Variants in CDC14B observed in about 807,000 individuals in gnomAD.
The protein encoded by CDC14B is dual specificity protein phosphatase CDC14B.
CDC14B carries 22 observed loss-of-function variants against 64.2 expected under a neutral mutation model. The observed-to-expected ratio is 0.34, with a 90% CI of 0.24 to 0.49. The LOEUF (loss-of-function observed/expected upper bound fraction) is 0.49. Among genes scored for constraint, CDC14B ranks in the 20% least tolerant of loss-of-function variants. The pLI, the probability that CDC14B is intolerant of heterozygous loss-of-function variation, is 0.99. For missense variants in CDC14B, 498 were observed against 629.9 expected (o/e 0.79, Z 2.24); for synonymous variants, 191 against 215.8 (o/e 0.89, Z 1.01).
intron 12 of CDC14B, among the ~76,000 whole-genome samples, chr9:96,511,519 C>G (rs1455486264): frequency 6.6e-6 from 1 of 152,164 alleles, no homozygotes; most frequent in African/African-American, 2.4e-5. Context: ...TGTAGTGAGC[C>G]GAGATCGTGC....
intron 1 of CDC14B, among the ~76,000 whole-genome samples, chr9:96,603,402 T>G (rs942187024): frequency 2.6e-5 from 4 of 151,806 alleles, no homozygotes; most frequent in Non-Finnish European, 5.9e-5. Context: ...GGTGAAGAGG[T>G]ATAATGCTGT....
intron 9 of CDC14B, among the ~76,000 whole-genome samples, chr9:96,530,864 T>A (rs1267793690): frequency 6.6e-6 from 1 of 152,224 alleles, no homozygotes; most frequent in Non-Finnish European, 1.5e-5. Flanking sequence ...ACTGTGTTTT[T>A]ATCACAAAAG....
intron 1 of CDC14B, among the ~76,000 whole-genome samples, chr9:96,592,481 A>G (rs562421017): frequency 4.3e-4 from 66 of 152,326 alleles, no homozygotes; most frequent in African/African-American, 1.5e-3. Context: ...TTATTCTTCA[A>G]AAACAGGTTG....
chr9:96,547,331 T>C (rs2131975966), intron 5 of CDC14B, among the ~76,000 whole-genome samples: 1 of 151,658 alleles, frequency 6.6e-6, no homozygotes, highest in South Asian at 2.1e-4. Context: ...CCAGGTGTGG[T>C]GGCGGGCACC....
At chr9:96,568,202 G>A (rs1028844302) in intron 1 of CDC14B, among the ~76,000 whole-genome samples, 2 of 152,070 alleles carry the variant, frequency 1.3e-5, no homozygotes, top group Non-Finnish European at 2.9e-5. Context: ...TACAATTCCA[G>A]ATGGATCAAA....
Position 96,544,253 on chromosome 9 carries a change from T to G in CDC14B, c.498-2361A>C, listed in dbSNP as rs570406753. ...AAATAAAATAAAAAAAGATTAGTGT[T>G]TTTGTTAAAAACTATAAGTTATACA... On this transcript the variant is annotated intron_variant, in intron 5 of 13. Transcript: ENST00000375241. Among the ~76,000 whole-genome samples the G allele has an allele frequency of 3.9e-5, 6 of 152,240 alleles. No individual in the cohort carries two copies. In the South Asian group the frequency reaches 1.2e-3, roughly 32 times the overall value.
At position 96,515,909 on chromosome 9, in the gene CDC14B, A is replaced by G. The variant is rs909928401; in HGVS notation, c.1344-6120T>C. On this transcript the variant is annotated intron_variant, in intron 12 of 13. Coordinates refer to ENST00000375241, the MANE Select transcript of CDC14B (RefSeq NM_033331.4). The surrounding 1 kb of genome is among the most constrained non-coding windows in gnomAD (Gnocchi z 4.3). ...TTTAGACACCCTAAAAGCCCAGCCA[A>G]CAGCAACAGGGATACAAAGGGGTGG... The G allele has an allele frequency of 7.0e-6, 6 of 857,768 alleles. No homozygotes were observed. The highest frequency in any genetic ancestry group is 1.7e-5 in the African/African-American group (1 of 58,302). The allele number at this position is 857,768 out of a possible 1,614,324, so 53.1% of individuals were successfully genotyped here.
chr9:96,514,701 T>C, intron 12 of CDC14B: 1 of 985,408 alleles, frequency 1.0e-6, no homozygotes, highest in Non-Finnish European at 1.2e-6. Context: ...TCTTAAAATA[T>C]GAGTTAAGGA....
intron 6 of CDC14B, among the ~76,000 whole-genome samples, chr9:96,540,417 G>C (rs984729984): frequency 6.6e-6 from 1 of 152,072 alleles, no homozygotes; most frequent in Admixed American, 6.6e-5. Context: ...TGGATCGCTT[G>C]AGCTCAGGAG....
chr9:96,613,168 G>A (rs1847424390), intron 1 of CDC14B, among the ~76,000 whole-genome samples: 1 of 152,176 alleles, frequency 6.6e-6, no homozygotes, highest in South Asian at 2.1e-4. Context: ...TCTTCACAGG[G>A]GAATGTGGAG....
At chr9:96,577,546 C>G (rs1844885504) in intron 1 of CDC14B, among the ~76,000 whole-genome samples, 1 of 152,044 alleles carries the variant, frequency 6.6e-6, no homozygotes, top group Non-Finnish European at 1.5e-5. Flanking sequence ...TCTCCACATC[C>G]CAGGCCATGG....
At chr9:96,570,332 T>C (rs1844395760) in intron 1 of CDC14B, among the ~76,000 whole-genome samples, 1 of 152,202 alleles carries the variant, frequency 6.6e-6, no homozygotes, top group Non-Finnish European at 1.5e-5. Context: ...TGCTTGTTAA[T>C]AGGAAAGATT....
chr9:96,541,814 C>T lies in CDC14B; in HGVS notation c.564+12G>A. 6.3e-7 allele frequency: 1 copy of T among 1,588,174 alleles called. No individual in the cohort carries two copies. Among genetic ancestry groups the T allele is most frequent in the Non-Finnish European group, 8.6e-7 (1 of 1,161,692 alleles). ...TCAACACAACACTGGGTGCATCCTA[C>T]ATGTCACTCACCTTCTTTACTGCAT... On this transcript the variant is annotated intron_variant, in intron 6 of 13. Transcript: ENST00000375241.
chr9:96,592,554 T>G (rs1374032821), intron 1 of CDC14B, among the ~76,000 whole-genome samples: 1 of 152,016 alleles, frequency 6.6e-6, no homozygotes. Context: ...GGTGGGTGGA[T>G]CACAAGGTCA....
rs1263174462 is a variant in CDC14B at position 96,500,357 on chromosome 9, A to G, written c.*3396T>C. The G allele has an allele frequency of 1.3e-5, 2 of 152,616 alleles. No individual in the cohort carries two copies. Among genetic ancestry groups the G allele is most frequent in the Non-Finnish European group, 2.9e-5 (2 of 68,044 alleles). 9.5% of individuals were successfully genotyped at this position (152,616 alleles called of 1,614,324 possible). Reference sequence around the variant, plus strand: ...TGATTAGAAATATACGCTGTAAAAAAAAATCAAGACAATGATTGATCAATA... The same window carrying G: ...TGATTAGAAATATACGCTGTAAAAAGAAATCAAGACAATGATTGATCAATA... On this transcript the variant is annotated 3_prime_UTR_variant, in exon 14 of 14. Transcript: ENST00000375241.
intron 1 of CDC14B, among the ~76,000 whole-genome samples, chr9:96,594,846 G>A (rs950120070): frequency 7.4e-4 from 112 of 151,996 alleles, no homozygotes; most frequent in African/African-American, 2.6e-3. Flanking sequence ...CGGAGTACTC[G>A]GGAAATAAAT....
At chr9:96,594,845 C>T (rs917360156) in intron 1 of CDC14B, among the ~76,000 whole-genome samples, 8 of 151,774 alleles carry the variant, frequency 5.3e-5, no homozygotes, top group African/African-American at 1.5e-4. Flanking sequence ...ACGGAGTACT[C>T]GGGAAATAAA....
downstream of CDC14B, among the ~76,000 whole-genome samples, chr9:96,499,168 G>A (rs1833374151): frequency 6.6e-6 from 1 of 152,244 alleles, no homozygotes; most frequent in Non-Finnish European, 1.5e-5. Context: ...GCCAGGGTCT[G>A]CAAATGAACA....
chr9:96,609,097 T>G (rs1847150210), intron 1 of CDC14B, among the ~76,000 whole-genome samples: 1 of 152,204 alleles, frequency 6.6e-6, no homozygotes, highest in South Asian at 2.1e-4. Context: ...CCTGAGTAGC[T>G]GAGATTACAG....
Sources: allele counts gnomAD v4.1 joint callset (sites outside exome capture counted in the v4.1 genomes callset), GRCh38; gene constraint gnomAD v4.1.1; non-coding constraint Gnocchi (gnomAD v3.1); transcripts MANE v1.5; gene names NCBI Gene and HGNC (gene_info 2026-07-23, HGNC 2026-07-21).